PSRC1: variants seen among roughly 807,000 people sequenced by gnomAD.
The protein encoded by PSRC1 is proline and serine rich coiled-coil 1.
Under a neutral mutation model 31.9 loss-of-function variants are expected in PSRC1, and 30 were observed. The observed-to-expected ratio is 0.94, with a 90% CI of 0.70 to 1.28. The LOEUF (loss-of-function observed/expected upper bound fraction) is 1.28, where lower values mean the gene tolerates loss of function less well. Ranked by LOEUF, PSRC1 falls within the 50% of genes most tolerant of loss-of-function variation. PSRC1 has a pLI of 0.00. For synonymous variants in PSRC1, 191 were observed against 192.1 expected (o/e 0.99, Z 0.05); for missense variants, 481 against 472.8 (o/e 1.02, Z -0.16).
exon 7 of PSRC1, chr1:109,280,054 G>C: frequency 6.6e-7 from 1 of 1,521,698 alleles, no homozygotes; most frequent in Non-Finnish European, 9.1e-7. Context: ...CTGTCCCTGG[G>C]CCAGAATCTG....
chr1:109,282,281 G>A (rs1192132574), intron 3 of PSRC1: 8 of 611,412 alleles, frequency 1.3e-5, no homozygotes, highest in Non-Finnish European at 2.3e-5. Flanking sequence ...ATGCCAGGAT[G>A]GAGATGCAGC....
chr1:109,282,389 A>G (rs546560582), intron 3 of PSRC1, 129 bp downstream of exon 3: 2 of 807,968 alleles, frequency 2.5e-6, no homozygotes, highest in Non-Finnish European at 4.1e-6. Context: ...CGAGTCAGCC[A>G]GCCGCCCAGC....
At chr1:109,281,801 G>C (rs767431636) in exon 4 of PSRC1, 13 of 1,613,930 alleles carry the variant, frequency 8.1e-6, no homozygotes, top group Admixed American at 1.7e-5. Context: ...GTCTCCCGCC[G>C]AGGACTGGGC....
chr1:109,282,477 G>A lies in PSRC1; in HGVS notation c.77+41C>T, dbSNP rs766716779. 5 of 1,570,954 alleles carry A rather than the reference G, an allele frequency of 3.2e-6. No individual in the cohort carries two copies. In the African/African-American group the frequency reaches 5.4e-5, roughly 17 times the overall value. On this transcript the variant is annotated intron_variant, in intron 3 of 6. Coordinates refer to ENST00000409138, the Ensembl canonical transcript of PSRC1. ...GCAGTAAGGGATTCGAGACAAAGAGGTACTGTTAGAGGAAAATAAGTGGGA... is the reference window on the plus strand; with the variant it reads ...GCAGTAAGGGATTCGAGACAAAGAGATACTGTTAGAGGAAAATAAGTGGGA...
chr1:109,281,442 C>T (rs1009005459), intron 4 of PSRC1, 177 bp downstream of exon 4: 2 of 741,842 alleles, frequency 2.7e-6, no homozygotes, highest in Non-Finnish European at 4.4e-6. Flanking sequence ...TTATCATAGA[C>T]ATATACTCAG....
exon 4 of PSRC1, chr1:109,281,965 G>A (rs907447022): frequency 1.9e-5 from 29 of 1,539,182 alleles, no homozygotes; most frequent in Non-Finnish European, 2.4e-5. Flanking sequence ...ACCCTGGGGG[G>A]CAGGTGCCAC....
intron 4 of PSRC1, 129 bp from the exon 5 acceptor site, chr1:109,281,380 A>AACATCACCATCACC (rs1657087207): frequency 2.4e-6 from 2 of 837,580 alleles, no homozygotes; most frequent in Non-Finnish European, 3.7e-6. Context: ...GTTAGCTGCT[A>AACATCACCATCACC]ACATCACCAC....
At chr1:109,281,283 A>G in intron 4 of PSRC1, 32 bp from the exon 5 acceptor site, 1 of 1,496,708 alleles carries the variant, frequency 6.7e-7, no homozygotes, top group South Asian at 1.3e-5. Flanking sequence ...AAAAAAGACT[A>G]GAGTGGAAAA....
exon 4 of PSRC1, chr1:109,281,849 C>T: frequency 5.0e-6 from 8 of 1,613,892 alleles, no homozygotes; most frequent in Non-Finnish European, 6.8e-6. Flanking sequence ...CCTGCGCTCT[C>T]CCGATCCTGC....
At chr1:109,281,798 G>A (rs141272790) in exon 4 of PSRC1, 14 of 1,613,994 alleles carry the variant, frequency 8.7e-6, no homozygotes, top group Middle Eastern at 1.6e-4. Context: ...AAGGTCTCCC[G>A]CCGAGGACTG....
chr1:109,281,178 G>T (rs758831671), exon 5 of PSRC1: 2 of 1,613,582 alleles, frequency 1.2e-6, no homozygotes, highest in South Asian at 1.1e-5. Flanking sequence ...CCCCCGGACT[G>T]GGGGAGTCGA....
At chr1:109,280,012 T>G in exon 7 of PSRC1, 1 of 1,080,000 alleles carries the variant, frequency 9.3e-7, no homozygotes, top group Non-Finnish European at 1.4e-6. Context: ...TCTCTACTCC[T>G]GGGAGACCAG....
At chr1:109,280,442 T>A in exon 6 of PSRC1, 3 of 1,613,646 alleles carry the variant, frequency 1.9e-6, no homozygotes, top group Non-Finnish European at 2.5e-6. Context: ...TGCAGATTGC[T>A]GCGAGTGGCA....
chr1:109,281,446 T>C (rs2101370660), intron 4 of PSRC1, 173 bp downstream of exon 4: 2 of 737,754 alleles, frequency 2.7e-6, no homozygotes, highest in Non-Finnish European at 4.4e-6. Context: ...CATAGACATA[T>C]ACTCAGACAC....
intron 6 of PSRC1, 96 bp downstream of exon 7, chr1:109,280,300 T>G (rs948291696): frequency 2.8e-6 from 4 of 1,423,082 alleles, no homozygotes; most frequent in African/African-American, 2.8e-5. Context: ...TCTCCATCTT[T>G]CCATACAAAA....
chr1:109,282,779 A>G (rs1226640793), intron 1 of PSRC1, 43 bp from the exon 2 acceptor site: 4 of 1,543,380 alleles, frequency 2.6e-6, no homozygotes, highest in Middle Eastern at 2.3e-4. Context: ...CATTCTGCCC[A>G]AGGCTCGCAG....
In PSRC1 at chr1:109,281,967, AG is replaced by A; in HGVS notation, c.170del (p.Pro57LeufsTer6). On this transcript the variant is annotated frameshift_variant, in exon 4 of 7. Transcript: ENST00000409138. LOFTEE classifies it high-confidence loss of function. ...GGCTGAGCCTCACACCCTGGGGGGC[AG>A]GTGCCACTGCATTTGGGTCACTTCG... 6.5e-7 allele frequency: 1 copy of A among 1,538,030 alleles called. No individual in the cohort carries two copies. The highest frequency in any genetic ancestry group is 8.7e-7 in the Non-Finnish European group (1 of 1,143,930).
At chr1:109,282,253 T>G (rs1657288473) in intron 3 of PSRC1, 193 bp from the exon 4 acceptor site, 1 of 621,836 alleles carries the variant, frequency 1.6e-6, no homozygotes, top group Non-Finnish European at 2.8e-6. Context: ...CCTTTAGCAT[T>G]TACGGACATC....
At chr1:109,281,238 C>A in exon 5 of PSRC1, 3 of 1,596,698 alleles carry the variant, frequency 1.9e-6, no homozygotes, top group Non-Finnish European at 2.6e-6. Context: ...GAACAGATTG[C>A]AAGTGGGTGA....
Sources: gnomAD v4.1 joint callset for allele counts on GRCh38, gnomAD v4.1.1 for gene constraint, MANE v1.5 for transcripts, NCBI Gene and HGNC (gene_info 2026-07-23, HGNC 2026-07-21) for gene names.